Variants in ECT2 observed in about 807,000 individuals in gnomAD.
The protein encoded by ECT2 is protein ECT2.
Under a neutral mutation model 116.9 loss-of-function variants are expected in ECT2, and 61 were observed. The observed-to-expected ratio is 0.52, with a 90% confidence interval of 0.42 to 0.65. ECT2 has a LOEUF of 0.65. ECT2 is among the 30% of genes least tolerant of loss of function. The pLI is 0.00. For synonymous variants in ECT2, 358 were observed against 346.4 expected (o/e 1.03, Z -0.37); for missense variants, 937 against 1,078.7 (o/e 0.87, Z 1.84).
intron 14 of ECT2, among the ~76,000 whole-genome samples, chr3:172,779,517 G>A (rs1157611256): frequency 6.6e-6 from 1 of 152,076 alleles, no homozygotes; most frequent in Non-Finnish European, 1.5e-5. Flanking sequence ...GGTAGTTGCT[G>A]TATTCAAAAT....
intron 12 of ECT2, among the ~76,000 whole-genome samples, chr3:172,767,141 T>C (rs1719572253): frequency 6.6e-6 from 1 of 152,188 alleles, no homozygotes; most frequent in South Asian, 2.1e-4. Flanking sequence ...AGATTCTGTT[T>C]TTTTTAAAAA....
intron 5 of ECT2, among the ~76,000 whole-genome samples, chr3:172,757,872 T>A (rs958575550): frequency 2.6e-5 from 4 of 152,046 alleles, no homozygotes; most frequent in African/African-American, 9.7e-5. Context: ...AATTCAAAAA[T>A]TATTTTAGCT....
chr3:172,753,494 G>A (rs188062285), intron 1 of ECT2, among the ~76,000 whole-genome samples: 1 of 152,204 alleles, frequency 6.6e-6, no homozygotes, highest in African/African-American at 2.4e-5. Flanking sequence ...ATAGTCCAGA[G>A]TTATATTGGC....
chr3:172,776,446 T>A (rs34231214), intron 14 of ECT2, among the ~76,000 whole-genome samples: 2 of 151,896 alleles, frequency 1.3e-5, no homozygotes, highest in Non-Finnish European at 2.9e-5. Flanking sequence ...AATTTTGGGT[T>A]TTTTTCTTTA....
intron 18 of ECT2, among the ~76,000 whole-genome samples, chr3:172,790,066 C>T (rs1418117510): frequency 6.6e-6 from 1 of 151,580 alleles, no homozygotes. Flanking sequence ...GGTTTTTTCT[C>T]CCTCGCCTCT....
At chr3:172,776,305 A>G (rs1400595874) in intron 14 of ECT2, among the ~76,000 whole-genome samples, 2 of 148,174 alleles carry the variant, frequency 1.3e-5, no homozygotes, top group African/African-American at 2.5e-5. Context: ...TTTGTCAAAT[A>G]TTTAAAAATT....
At chr3:172,789,642 C>T (rs1724280626) in intron 18 of ECT2, among the ~76,000 whole-genome samples, 1 of 152,198 alleles carries the variant, frequency 6.6e-6, no homozygotes, top group South Asian at 2.1e-4. Context: ...GGTCACTTCT[C>T]TTAGATTTTG....
intron 22 of ECT2, among the ~76,000 whole-genome samples, chr3:172,812,829 G>T (rs1288902248): frequency 6.6e-6 from 1 of 152,072 alleles, no homozygotes; most frequent in Non-Finnish European, 1.5e-5. Flanking sequence ...TTGATTGAAT[G>T]AGATAAAAAT....
At chr3:172,769,190 A>G in intron 13 of ECT2, 47 bp downstream of exon 13, 3 of 1,526,478 alleles carry the variant, frequency 2.0e-6, no homozygotes, top group Non-Finnish European at 2.7e-6. Context: ...CAGTGTTCCT[A>G]AGTAAAAAAA....
intron 23 of ECT2, among the ~76,000 whole-genome samples, 177 bp from the exon 24 acceptor site, chr3:172,816,514 A>C (rs1195129271): frequency 6.6e-6 from 1 of 152,090 alleles, no homozygotes; most frequent in East Asian, 1.9e-4. Context: ...GTGCTCTCTA[A>C]ATGAAAGTTT....
chr3:172,789,835 A>G (rs760414318), intron 18 of ECT2, among the ~76,000 whole-genome samples: 20 of 152,162 alleles, frequency 1.3e-4, no homozygotes, highest in Non-Finnish European at 2.5e-4. Flanking sequence ...ATTCAGTCCC[A>G]TCTTTAGTCT....
Position 172,769,157 on chromosome 3 carries a change from T to G in ECT2, c.1428+14T>G. Reference sequence around the variant, plus strand: ...ACAATTATTCAGGTAAGTATGAGTTTGATTGAAAAATGATTTCTGTTCCAG... The same window carrying G: ...ACAATTATTCAGGTAAGTATGAGTTGGATTGAAAAATGATTTCTGTTCCAG... On this transcript the variant is annotated intron_variant, in intron 13 of 24. Coordinates refer to ENST00000392692, the MANE Select transcript of ECT2 (RefSeq NM_001258315.2). The G allele has an allele frequency of 6.3e-7, 1 of 1,593,180 alleles. No homozygotes were observed. The highest frequency in any genetic ancestry group is 8.6e-7 in the Non-Finnish European group (1 of 1,167,866).
At chr3:172,772,299 TCTCCCACCTCAGC>T (rs923337371) in intron 13 of ECT2, among the ~76,000 whole-genome samples, 3 of 152,010 alleles carry the variant, frequency 2.0e-5, no homozygotes, top group African/African-American at 7.3e-5. Context: ...TTCACCCCAT[TCTCCCACCTCAGC>T]CTCCCGAGTA....
intron 18 of ECT2, among the ~76,000 whole-genome samples, chr3:172,788,905 A>G (rs183773584): frequency 8.5e-5 from 13 of 152,158 alleles, no homozygotes; most frequent in Admixed American, 2.0e-4. Flanking sequence ...TAAAAATACA[A>G]AAATTAGCTG....
chr3:172,760,738 T>TG (rs1553850051), intron 7 of ECT2, among the ~76,000 whole-genome samples: 3 of 129,400 alleles, frequency 2.3e-5, no homozygotes, highest in African/African-American at 1.0e-4. Flanking sequence ...TTTTTTTTTT[T>TG]GAGACTGAGT....
chr3:172,775,019 A>G (rs1721397697), intron 14 of ECT2, among the ~76,000 whole-genome samples: 1 of 152,190 alleles, frequency 6.6e-6, no homozygotes, highest in Admixed American at 6.5e-5. Flanking sequence ...TTCTCCATTT[A>G]TAGGTAGGTA....
chr3:172,806,835 G>T (rs1175768932), intron 21 of ECT2, among the ~76,000 whole-genome samples: 1 of 151,560 alleles, frequency 6.6e-6, no homozygotes, highest in Admixed American at 6.6e-5. Flanking sequence ...TAGAGACGGG[G>T]TTTCACCATG....
intron 17 of ECT2, among the ~76,000 whole-genome samples, chr3:172,786,018 C>T (rs768775818): frequency 1.1e-4 from 16 of 152,072 alleles, no homozygotes; most frequent in Non-Finnish European, 2.4e-4. Context: ...CCAAGGATGG[C>T]ATAGGGAACA....
At chr3:172,772,450 C>A (rs1293959402) in intron 13 of ECT2, among the ~76,000 whole-genome samples, 1 of 152,182 alleles carries the variant, frequency 6.6e-6, no homozygotes, top group Non-Finnish European at 1.5e-5. Flanking sequence ...CCCACCTCGG[C>A]CTCTCACAGT....
Sources: allele counts gnomAD v4.1 joint callset (sites outside exome capture counted in the v4.1 genomes callset), GRCh38; gene constraint gnomAD v4.1.1; transcripts MANE v1.5; gene names NCBI Gene and HGNC (gene_info 2026-07-23, HGNC 2026-07-21).